The following PCDH15 variants were observed in gnomAD, a reference collection of about 807,000 sequenced individuals.
PCDH15 encodes the protein protocadherin-15.
In PCDH15, 129 loss-of-function variants were observed where a neutral mutation model predicts 178.5. That is an observed-to-expected ratio of 0.72 (90% confidence interval 0.63 to 0.84). The LOEUF (loss-of-function observed/expected upper bound fraction) is 0.84, where lower values mean the gene tolerates loss of function less well. Ranked by LOEUF, PCDH15 falls within the 40% of genes least tolerant of loss-of-function variation. The probability of loss-of-function intolerance (pLI) is 0.00; values close to 1 mark genes in which losing one functional copy is unlikely to be tolerated. For synonymous variants in PCDH15, 800 were observed against 732.0 expected (o/e 1.09, Z -1.50); for missense variants, 2,230 against 2,099.9 (o/e 1.06, Z -1.21).
At chr10:54,291,197 C>A (rs1346954241) in intron 8 of PCDH15, among the ~76,000 whole-genome samples, 1 of 152,104 alleles carries the variant, frequency 6.6e-6, no homozygotes, top group Non-Finnish European at 1.5e-5. Flanking sequence ...TACAAGGAAA[C>A]TGAAAAACCT....
intron 2 of PCDH15, among the ~76,000 whole-genome samples, chr10:54,543,986 T>C (rs2085552904): frequency 6.6e-6 from 1 of 152,218 alleles, no homozygotes; most frequent in African/African-American, 2.4e-5. Flanking sequence ...CTGACCCGTG[T>C]GTATGCTCCA....
intron 3 of PCDH15, among the ~76,000 whole-genome samples, chr10:54,456,914 T>C (rs2076860190): frequency 6.6e-6 from 1 of 152,130 alleles, no homozygotes; most frequent in Non-Finnish European, 1.5e-5. Context: ...AGGACATGTT[T>C]ACTTCCCCTT....
At chr10:54,169,185 A>T (rs1274420794) in intron 13 of PCDH15, among the ~76,000 whole-genome samples, 48 of 140,046 alleles carry the variant, frequency 3.4e-4, no homozygotes, top group Non-Finnish European at 6.2e-4. Context: ...CCCAAGGCTG[A>T]CTGACTCCTT....
At chr10:54,799,411 C>G (rs941008879) in intron 1 of PCDH15, among the ~76,000 whole-genome samples, 4 of 151,910 alleles carry the variant, frequency 2.6e-5, no homozygotes, top group Non-Finnish European at 1.5e-5. Flanking sequence ...AGATACTTAT[C>G]AAATATTATC....
At chr10:55,207,653 T>C (rs1050139544) in intron 1 of PCDH15, among the ~76,000 whole-genome samples, 1 of 152,158 alleles carries the variant, frequency 6.6e-6, no homozygotes, top group Non-Finnish European at 1.5e-5. Flanking sequence ...CTTGTTTTTT[T>C]TGAAAATAAA....
At chr10:54,171,218 G>T (rs2046872373) in intron 13 of PCDH15, among the ~76,000 whole-genome samples, 1 of 152,034 alleles carries the variant, frequency 6.6e-6, no homozygotes, top group Admixed American at 6.5e-5. Flanking sequence ...TTAATATTCA[G>T]TGAAACCTTT....
chr10:54,236,128 C>T (rs7073490), intron 9 of PCDH15, among the ~76,000 whole-genome samples: 8,314 of 152,192 alleles, frequency 0.055, 564 homozygotes, highest in African/African-American at 0.17. Context: ...AGCCCTTTCT[C>T]CCTTAAAAGA....
At chr10:55,403,357 G>A (rs1435122981) in intron 2 of PCDH15, among the ~76,000 whole-genome samples, 1 of 151,774 alleles carries the variant, frequency 6.6e-6, no homozygotes, top group East Asian at 1.9e-4. Context: ...CTGTGACTAT[G>A]CAGAAGCTTT....
chr10:54,948,886 C>T (rs1415461375), intron 2 of PCDH15, among the ~76,000 whole-genome samples: 1 of 151,794 alleles, frequency 6.6e-6, no homozygotes, highest in Non-Finnish European at 1.5e-5. Flanking sequence ...ATCCAGGGAC[C>T]CCTTGGCCCA....
At chr10:54,578,485 A>G (rs142484705) in intron 2 of PCDH15, among the ~76,000 whole-genome samples, 1,923 of 152,250 alleles carry the variant, frequency 0.013, 41 homozygotes, top group African/African-American at 0.044. Context: ...CTCATCTCCT[A>G]AGGTTTAAGA....
intron 2 of PCDH15, among the ~76,000 whole-genome samples, chr10:54,591,064 T>A (rs1006767613): frequency 6.6e-6 from 1 of 152,136 alleles, no homozygotes; most frequent in Non-Finnish European, 1.5e-5. Context: ...TGGATTTGTC[T>A]CTATTTCATC....
At chr10:55,027,758 G>T (rs760520040) in intron 2 of PCDH15, among the ~76,000 whole-genome samples, 2 of 151,764 alleles carry the variant, frequency 1.3e-5, no homozygotes, top group Non-Finnish European at 3.0e-5. Flanking sequence ...TATAATTCTT[G>T]TTCAATTAGA....
intron 17 of PCDH15, among the ~76,000 whole-genome samples, chr10:54,075,578 A>G (rs532242292): frequency 1.1e-4 from 17 of 152,188 alleles, no homozygotes; most frequent in Non-Finnish European, 2.2e-4. Context: ...ATCCCTGACA[A>G]ATGCAATGAA....
intron 13 of PCDH15, among the ~76,000 whole-genome samples, chr10:54,159,358 GT>G (rs1417491402): frequency 6.6e-6 from 1 of 152,058 alleles, no homozygotes; most frequent in Admixed American, 6.6e-5. Flanking sequence ...TATATCTGGT[GT>G]TTCTGCTGGC....
chr10:54,155,989 T>G (rs1166687092), intron 13 of PCDH15, among the ~76,000 whole-genome samples: 1 of 152,116 alleles, frequency 6.6e-6, no homozygotes, highest in African/African-American at 2.4e-5. Flanking sequence ...TATATGAAGC[T>G]CATTTCTAAT....
intron 11 of PCDH15, among the ~76,000 whole-genome samples, chr10:54,192,198 A>AGAAG (rs141742780): frequency 0.22 from 32,514 of 148,534 alleles, 5,332 homozygotes; most frequent in African/African-American, 0.46. Flanking sequence ...AAGAAAGGAA[A>AGAAG]GAAGGAAGGA....
intron 10 of PCDH15, among the ~76,000 whole-genome samples, chr10:54,199,564 C>CAATAATAATAAT (rs1376777913): frequency 0.037 from 2,911 of 79,118 alleles, 106 homozygotes; most frequent in African/African-American, 0.11. Context: ...TAAACAACAA[C>CAATAATAATAAT]AACAACAATA....
chr10:53,825,816 A>AACTT (rs200685122), intron 32 of PCDH15, among the ~76,000 whole-genome samples: 1,547 of 151,544 alleles, frequency 0.01, 27 homozygotes, highest in African/African-American at 0.035. Context: ...AAATATGTAG[A>AACTT]ACTTACTTAA....
chr10:55,457,621 T>A (rs971900130), intron 2 of PCDH15, among the ~76,000 whole-genome samples: 2 of 152,006 alleles, frequency 1.3e-5, no homozygotes, highest in East Asian at 1.9e-4. Flanking sequence ...AGTTCCAATA[T>A]GTTTCCAAAA....
Sources: gnomAD v4.1 joint callset for allele counts (sites outside exome capture counted in the v4.1 genomes callset) on GRCh38, gnomAD v4.1.1 for gene constraint, MANE v1.5 for transcripts, NCBI Gene and HGNC (gene_info 2026-07-23, HGNC 2026-07-21) for gene names.